PTPRM: variants seen among roughly 807,000 people sequenced by gnomAD.
PTPRM encodes the protein protein tyrosine phosphatase receptor type M.
PTPRM carries 47 observed loss-of-function variants against 186.7 expected under a neutral mutation model. The ratio of observed to expected loss-of-function variants is 0.25; its 90% CI spans 0.20 to 0.32. The LOEUF is 0.32. Among genes scored for constraint, PTPRM ranks in the 10% least tolerant of loss-of-function variants. The probability of loss-of-function intolerance (pLI) is 1.00; values close to 1 mark genes in which losing one functional copy is unlikely to be tolerated. For synonymous variants in PTPRM, 668 were observed against 674.9 expected, an observed-to-expected ratio of 0.99 and a Z score of 0.16; for missense variants, 1,494 against 1,865.0, an observed-to-expected ratio of 0.80 and a Z score of 3.66.
At chr18:8,079,585 A>G (rs947514526) in intron 9 of PTPRM, among the ~76,000 whole-genome samples, 2 of 152,196 alleles carry the variant, frequency 1.3e-5, no homozygotes, top group Non-Finnish European at 2.9e-5. Context: ...TATCAAACCC[A>G]GCATTTTATT....
At chr18:7,694,801 A>G (rs2039809401) in intron 1 of PTPRM, among the ~76,000 whole-genome samples, 1 of 152,182 alleles carries the variant, frequency 6.6e-6, no homozygotes, top group Non-Finnish European at 1.5e-5. Context: ...TATTCATGAA[A>G]CATTTATAGC....
At chr18:7,642,566 C>T (rs2038468877) in intron 1 of PTPRM, among the ~76,000 whole-genome samples, 1 of 152,060 alleles carries the variant, frequency 6.6e-6, no homozygotes, top group Admixed American at 6.6e-5. Flanking sequence ...AAAATTATTC[C>T]ACAATGTGGG....
At chr18:8,025,884 A>G (rs1406959878) in intron 7 of PTPRM, among the ~76,000 whole-genome samples, 1 of 152,118 alleles carries the variant, frequency 6.6e-6, no homozygotes, top group Non-Finnish European at 1.5e-5. Context: ...ACTCCCTGAG[A>G]ACTTCAGTTA....
At chr18:7,778,975 G>A (rs2042725282) in intron 2 of PTPRM, among the ~76,000 whole-genome samples, 1 of 152,152 alleles carries the variant, frequency 6.6e-6, no homozygotes, top group Non-Finnish European at 1.5e-5. Context: ...TACCTGGTTT[G>A]ATAATGTGGT....
chr18:7,852,820 C>T (rs1321446039), intron 2 of PTPRM, among the ~76,000 whole-genome samples: 3 of 152,116 alleles, frequency 2.0e-5, no homozygotes, highest in African/African-American at 7.2e-5. Context: ...ACTATGATCA[C>T]ACCACTGTAC....
intron 1 of PTPRM, among the ~76,000 whole-genome samples, chr18:7,758,918 C>T (rs8091461): frequency 0.16 from 24,942 of 152,092 alleles, 4,685 homozygotes; most frequent in African/African-American, 0.46. Context: ...AATGAACATA[C>T]TGTTTATACT....
chr18:8,113,795 T>C lies in PTPRM; in HGVS notation c.2130+36T>C, dbSNP rs958155946. On this transcript the variant is annotated intron_variant, in intron 12 of 32. Coordinates refer to ENST00000580170, the MANE Select transcript of PTPRM (RefSeq NM_001105244.2). The stretch of plus-strand genomic sequence containing the variant: ...CAGATAACTGTTTACTTAGGCTATT[T>C]GGGGTTGTTAATGTGAACATAGATT... 4 of 1,563,782 alleles carry C rather than the reference T, an allele frequency of 2.6e-6. No individual in the cohort carries two copies. In the African/African-American group the frequency reaches 4.1e-5, roughly 16 times the overall value.
chr18:7,722,207 T>C (rs1334839477), intron 1 of PTPRM, among the ~76,000 whole-genome samples: 1 of 152,202 alleles, frequency 6.6e-6, no homozygotes, highest in Non-Finnish European at 1.5e-5. Flanking sequence ...TCTGTCTCCA[T>C]AGTTTTGGCT....
intron 7 of PTPRM, among the ~76,000 whole-genome samples, chr18:8,041,662 G>C (rs2086700014): frequency 6.6e-6 from 1 of 152,196 alleles, no homozygotes; most frequent in Non-Finnish European, 1.5e-5. Context: ...TAGAGCTTGA[G>C]TTGGCTTAAG....
chr18:7,633,455 C>G (rs776002354), intron 1 of PTPRM, among the ~76,000 whole-genome samples: 3 of 152,128 alleles, frequency 2.0e-5, no homozygotes, highest in Non-Finnish European at 4.4e-5. Context: ...AATGCCTTCC[C>G]TTCCCCTCAT....
chr18:7,638,861 G>A (rs1278732553), intron 1 of PTPRM, among the ~76,000 whole-genome samples: 2 of 152,200 alleles, frequency 1.3e-5, no homozygotes, highest in South Asian at 2.1e-4. Flanking sequence ...ATTACTTGGT[G>A]CAGGACATAT....
At chr18:8,279,540 C>T (rs566475802) in intron 19 of PTPRM, among the ~76,000 whole-genome samples, 1 of 152,162 alleles carries the variant, frequency 6.6e-6, no homozygotes, top group African/African-American at 2.4e-5. Context: ...CTTGAAGGCT[C>T]CAGCAGTGGG....
chr18:7,868,287 C>T (rs1439670399), intron 2 of PTPRM, among the ~76,000 whole-genome samples: 2 of 152,110 alleles, frequency 1.3e-5, no homozygotes, highest in Admixed American at 1.3e-4. Flanking sequence ...CTGGTTTTTG[C>T]AATTTCAGCC....
chr18:8,224,820 A>G (rs9956011), intron 14 of PTPRM, among the ~76,000 whole-genome samples: 79,961 of 151,638 alleles, frequency 0.53, 21,513 homozygotes, highest in Middle Eastern at 0.74. Context: ...CGCGTCCCTC[A>G]GTTATCTGGA....
chr18:7,913,487 G>A (rs2050389880), intron 4 of PTPRM, among the ~76,000 whole-genome samples: 1 of 152,080 alleles, frequency 6.6e-6, no homozygotes, highest in South Asian at 2.1e-4. Flanking sequence ...TTGTTTTTAG[G>A]AAGAAAGTTC....
chr18:8,248,038 A>G (rs1437890069), intron 16 of PTPRM, 112 bp from the exon 17 acceptor site: 1 of 1,356,606 alleles, frequency 7.4e-7, no homozygotes, highest in Non-Finnish European at 1.1e-6. Context: ...GTTGTAACCC[A>G]ATGCGTTTCT....
rs74175819 is a variant in PTPRM at position 7,960,480 on chromosome 18, T to TACACAC, written c.1132+5089_1132+5094dup. Among the ~76,000 whole-genome samples, 181 of 86,562 alleles carry TACACAC rather than the reference T, an allele frequency of 2.1e-3. 2 individuals carry two copies. The highest frequency in any genetic ancestry group is 7.5e-3 in the African/African-American group (171 of 22,884). 56.8% of individuals were successfully genotyped at this position (86,562 alleles called of 152,430 possible). A position where few individuals can be genotyped will look rare whatever the true frequency, so the allele number is the denominator to read the frequency against. On this transcript the variant is annotated intron_variant, in intron 7 of 32. Coordinates refer to ENST00000580170, the MANE Select transcript of PTPRM (RefSeq NM_001105244.2). ...ATATATATATATATATATATATATA[T>TACACAC]ACACACACACACACACACACACACA...
chr18:8,359,744 G>A (rs542756065), intron 23 of PTPRM, among the ~76,000 whole-genome samples: 5 of 152,330 alleles, frequency 3.3e-5, no homozygotes, highest in Admixed American at 2.6e-4. Flanking sequence ...CTACCTGCTC[G>A]GGTGTGCACA....
chr18:8,296,474 A>C lies in PTPRM; in HGVS notation c.2842+19A>C, dbSNP rs758940938. The C allele has an allele frequency of 3.8e-6, 6 of 1,559,050 alleles. No homozygotes were observed. In the African/African-American group the frequency reaches 8.1e-5, roughly 21 times the overall value. ...ATTGCATGTAAGTGTCAACAGTGTC[A>C]TTGTGCTGTTGTAGAACTTCCTTTT... On this transcript the variant is annotated intron_variant, in intron 20 of 32. Transcript: ENST00000580170.
Sources: gnomAD v4.1 joint callset for allele counts (sites outside exome capture counted in the v4.1 genomes callset) on GRCh38, gnomAD v4.1.1 for gene constraint, MANE v1.5 for transcripts, NCBI Gene and HGNC (gene_info 2026-07-23, HGNC 2026-07-21) for gene names.